The following RUBCN variants were observed in gnomAD, a reference collection of about 807,000 sequenced individuals.
RUBCN encodes run domain Beclin-1-interacting and cysteine-rich domain-containing protein.
A neutral mutation model predicts 113.2 loss-of-function variants in RUBCN; 74 were observed. The ratio of observed to expected loss-of-function variants is 0.65; its 90% confidence interval spans 0.54 to 0.79. RUBCN has a LOEUF of 0.79. RUBCN is among the 30% of genes least tolerant of loss of function. The probability of loss-of-function intolerance (pLI) is 0.00; values close to 1 mark genes in which losing one functional copy is unlikely to be tolerated. For synonymous variants in RUBCN, 480 were observed against 490.0 expected (o/e 0.98, Z 0.27); for missense variants, 1,109 against 1,251.7 (o/e 0.89, Z 1.72).
chr3:197,727,723 T>TAA (rs757373598), intron 1 of RUBCN, among the ~76,000 whole-genome samples: 1 of 152,206 alleles, frequency 6.6e-6, no homozygotes, highest in Non-Finnish European at 1.5e-5. Context: ...GGTAAAGACT[T>TAA]AAATCTGCTT....
chr3:197,689,376 T>TA (rs1560418064), intron 11 of RUBCN, among the ~76,000 whole-genome samples: 1 of 152,152 alleles, frequency 6.6e-6, no homozygotes, highest in African/African-American at 2.4e-5. Flanking sequence ...ATTCTTAGTG[T>TA]AAAACCTGTC....
chr3:197,725,263 T>C (rs1040204943), intron 1 of RUBCN, among the ~76,000 whole-genome samples: 1 of 152,012 alleles, frequency 6.6e-6, no homozygotes, highest in African/African-American at 2.4e-5. Flanking sequence ...AACACTGAGG[T>C]AGCGAGAGAC....
intron 1 of RUBCN, among the ~76,000 whole-genome samples, chr3:197,719,908 A>C (rs1362738848): frequency 6.6e-6 from 1 of 152,200 alleles, no homozygotes; most frequent in Non-Finnish European, 1.5e-5. Context: ...ATCACCTTAA[A>C]TATTTATCAT....
intron 1 of RUBCN, among the ~76,000 whole-genome samples, chr3:197,746,759 A>G (rs757474913): frequency 2.0e-5 from 3 of 152,170 alleles, no homozygotes; most frequent in Non-Finnish European, 4.4e-5. Flanking sequence ...TAAAAGGGCA[A>G]CTGCTTGGAT....
intron 2 of RUBCN, 117 bp from the exon 3 acceptor site, chr3:197,705,292 T>A (rs1231642038): frequency 4.0e-5 from 36 of 894,374 alleles, no homozygotes; most frequent in Non-Finnish European, 6.0e-5. Context: ...TCATCAAAGG[T>A]TCTTAGCAGC....
At chr3:197,687,796 C>T (rs1722014074) in intron 11 of RUBCN, among the ~76,000 whole-genome samples, 1 of 152,190 alleles carries the variant, frequency 6.6e-6, no homozygotes, top group South Asian at 2.1e-4. Flanking sequence ...CCTCAGCACC[C>T]CAGAGAACAG....
chr3:197,717,060 G>T (rs753038137), intron 2 of RUBCN, among the ~76,000 whole-genome samples: 1 of 152,144 alleles, frequency 6.6e-6, no homozygotes, highest in Non-Finnish European at 1.5e-5. Flanking sequence ...GGTCGAGGCT[G>T]CAGCGAGCCA....
chr3:197,696,333 C>T (rs1213971060), intron 8 of RUBCN, among the ~76,000 whole-genome samples: 1 of 151,154 alleles, frequency 6.6e-6, no homozygotes, highest in African/African-American at 2.4e-5. Flanking sequence ...GATCGCACCA[C>T]TGCACTCCAG....
At chr3:197,717,926 C>A in intron 2 of RUBCN, 51 bp downstream of exon 2, 1 of 1,610,066 alleles carries the variant, frequency 6.2e-7, no homozygotes, top group Non-Finnish European at 8.5e-7. Flanking sequence ...GCGACTGTTT[C>A]TTTTCAACAA....
intron 2 of RUBCN, among the ~76,000 whole-genome samples, chr3:197,716,786 G>C (rs577273478): frequency 6.6e-5 from 10 of 152,110 alleles, no homozygotes; most frequent in South Asian, 4.1e-4. Flanking sequence ...TCATAAGGAG[G>C]GGGGTAGGCA....
Position 197,705,156 on chromosome 3 carries a change from TC to T in RUBCN, c.238del (p.Asp80IlefsTer6), listed in dbSNP as rs1232876056. 6.2e-7 allele frequency: 1 copy of T among 1,613,982 alleles called. No homozygotes were observed. Among genetic ancestry groups the T allele is most frequent in the Admixed American group, 1.7e-5 (1 of 60,000 alleles). On this transcript the variant is annotated frameshift_variant, in exon 3 of 20. Transcript: ENST00000296343. LOFTEE classifies it high-confidence loss of function. The stretch of plus-strand genomic sequence containing the variant: ...GATGTCTTTCACGAACTGCCAGTAA[TC>T]CGTCTGGCGGCGGCACGCCTGCAAA... ...IRDQACRRQT[D>X]YWQFVKDIRW...
chr3:197,729,330 A>G lies in RUBCN; in HGVS notation c.65+7325T>C, dbSNP rs563187642. Among the ~76,000 whole-genome samples, 31 of 151,730 alleles carry G rather than the reference A, an allele frequency of 2.0e-4. No individual in the cohort carries two copies. The East Asian group carries it at 5.5e-3, about 27-fold the overall frequency. ...TGCAGCGGCGCGATCTCGGCTCACT[A>G]CAAGTTCTGCCTCCCGGGCTCACGC... On this transcript the variant is annotated intron_variant, in intron 1 of 19. Coordinates refer to ENST00000296343, the MANE Select transcript of RUBCN (RefSeq NM_014687.4).
intron 11 of RUBCN, among the ~76,000 whole-genome samples, chr3:197,693,347 C>T (rs998434823): frequency 1.3e-5 from 2 of 152,150 alleles, no homozygotes; most frequent in Admixed American, 1.3e-4. Flanking sequence ...CTTTTGAACA[C>T]TCTGAAACAA....
chr3:197,695,960 G>A lies in RUBCN; in HGVS notation c.1379C>T (p.Ser460Leu). 2 of 1,614,150 alleles carry A rather than the reference G, an allele frequency of 1.2e-6. No homozygotes were observed. The highest frequency in any genetic ancestry group is 1.7e-6 in the Non-Finnish European group (2 of 1,180,026). Residue 460 changes from serine (S) to leucine (L), a missense_variant, in exon 9 of 20, where the codon TCA becomes TTA. Coordinates refer to ENST00000296343, the MANE Select transcript of RUBCN (RefSeq NM_014687.4). ...TGGTCTTCGGAACATGCCTTCCCCT[G>A]AGCACAGGTACCGACCACCTTCTGT... ...MEYEGGRYLC[S>L]GEGMFRRPSE...
At position 197,669,811 on chromosome 3, in the gene RUBCN, A is replaced by G. The variant is rs1349601340; in HGVS notation, c.*5207T>C. On this transcript the variant is annotated 3_prime_UTR_variant, in exon 20 of 20. Transcript: ENST00000296343. ...TTTATGTATGTATGGACTAATAAAT[A>G]TATATTTGACATACACTTTTTCTAA... Among the ~76,000 whole-genome samples, 1 of 152,252 alleles carries G rather than the reference A, an allele frequency of 6.6e-6. No homozygotes were observed. The highest frequency in any genetic ancestry group is 1.5e-5 in the Non-Finnish European group (1 of 68,052).
chr3:197,681,837 G>T lies in RUBCN; in HGVS notation c.2189C>A (p.Pro730His), dbSNP rs1464302111. The T allele has an allele frequency of 6.2e-7, 1 of 1,613,462 alleles. No homozygotes were observed. The highest frequency in any genetic ancestry group is 2.2e-5 in the East Asian group (1 of 44,894). Residue 730 changes from proline (P) to histidine (H), a missense_variant and splice_region_variant, in exon 15 of 20, where the codon CCT becomes CAT. Physicochemically the swap from Pro to His is moderately conservative, Grantham distance 77. Around this residue, in one of 3 missense-constraint regions of RUBCN, gnomAD observed 306 missense variants for 348.9 expected, o/e 0.88. Coordinates refer to ENST00000296343, the MANE Select transcript of RUBCN (RefSeq NM_014687.4). The surrounding 1 kb of genome is among the most constrained non-coding windows in gnomAD (Gnocchi z 5.5). ...TGGTGGGAAGGGAAGGCACTCACCAGGGTCAGTCCGGATGCCACATCCTGC... is the reference window on the plus strand; with the variant it reads ...TGGTGGGAAGGGAAGGCACTCACCATGGTCAGTCCGGATGCCACATCCTGC... ...RCAGCGIRTD[P>H]DYIKRLRYCE...
rs1340833442 is a variant in RUBCN at position 197,695,932 on chromosome 3, T to C, written c.1407A>G (p.Ser469=). 6.2e-7 allele frequency: 1 copy of C among 1,614,200 alleles called. No homozygotes were observed. The highest frequency in any genetic ancestry group is 2.2e-5 in the East Asian group (1 of 44,892). The change falls in exon 9 of 20, where the codon TCA becomes TCG. Residue 469 remains serine (S), a synonymous_variant. Coordinates refer to ENST00000296343, the MANE Select transcript of RUBCN (RefSeq NM_014687.4). ...CSGEGMFRRP[S]EGQSLISYLS... is the part of the protein sequence containing the mutation. ...GGTAGCTGATGAGGGACTGTCCTTC[T>C]GATGGTCTTCGGAACATGCCTTCCC...
rs1030417020 is a variant in RUBCN at position 197,669,143 on chromosome 3, G to A, written c.*5875C>T. ...CAAATTCGTCACATAGCCCTCACCC[G>A]ATTTCAGCTCTCCCTAATGTTACCA... On this transcript the variant is annotated 3_prime_UTR_variant, in exon 20 of 20. Transcript: ENST00000296343. Among the ~76,000 whole-genome samples, 1 of 152,284 alleles carries A rather than the reference G, an allele frequency of 6.6e-6. No individual in the cohort carries two copies.
chr3:197,708,355 C>T (rs572833929), intron 2 of RUBCN, among the ~76,000 whole-genome samples: 2 of 152,050 alleles, frequency 1.3e-5, no homozygotes, highest in East Asian at 1.9e-4. Context: ...AAGCTGGTCT[C>T]GAACTCCTGA....
Sources: gnomAD v4.1 joint callset for allele counts (sites outside exome capture counted in the v4.1 genomes callset) on GRCh38, gnomAD v4.1.1 for gene constraint, gnomAD v4.1.1 regional missense constraint, Gnocchi (gnomAD v3.1) non-coding constraint, MANE v1.5 for transcripts, NCBI Gene and HGNC (gene_info 2026-07-23, HGNC 2026-07-21) for gene names.